EDIL3: variants seen among roughly 807,000 people sequenced by gnomAD.
EDIL3 encodes the protein EGF like and discoidin domains 3.
EDIL3 carries 37 observed loss-of-function variants against 67.4 expected under a neutral mutation model. The ratio of observed to expected loss-of-function variants is 0.55; its 90% CI spans 0.42 to 0.72. The LOEUF (loss-of-function observed/expected upper bound fraction) is 0.72, where lower values mean the gene tolerates loss of function less well. Among genes scored for constraint, EDIL3 ranks in the 30% least tolerant of loss-of-function variants. The probability of loss-of-function intolerance (pLI) is 0.00; values close to 1 mark genes in which losing one functional copy is unlikely to be tolerated. For synonymous variants in EDIL3, 195 were observed against 196.3 expected (o/e 0.99, Z 0.05); for missense variants, 527 against 586.3 (o/e 0.90, Z 1.04).
chr5:84,234,815 A>T (rs1744648183), intron 2 of EDIL3, among the ~76,000 whole-genome samples: 2 of 152,172 alleles, frequency 1.3e-5, no homozygotes, highest in South Asian at 4.1e-4. Context: ...GCATATAATT[A>T]TCTAGTCATT....
intron 4 of EDIL3, among the ~76,000 whole-genome samples, chr5:84,141,716 T>G (rs554230435): frequency 6.7e-6 from 1 of 149,018 alleles, no homozygotes; most frequent in African/African-American, 2.4e-5. Flanking sequence ...CTGTTATAAC[T>G]AATTACACAG....
chr5:84,222,006 T>C (rs1744352969), intron 3 of EDIL3, among the ~76,000 whole-genome samples: 1 of 151,954 alleles, frequency 6.6e-6, no homozygotes, highest in Admixed American at 6.6e-5. Flanking sequence ...ATTTTCAAAA[T>C]GCGTGAGTTA....
intron 3 of EDIL3, among the ~76,000 whole-genome samples, chr5:84,208,982 C>T (rs1461605273): frequency 6.6e-6 from 1 of 152,126 alleles, no homozygotes; most frequent in Non-Finnish European, 1.5e-5. Context: ...ACGCAAATAT[C>T]CAACAATGAT....
At chr5:84,353,926 CAG>C (rs1430694746) in intron 1 of EDIL3, among the ~76,000 whole-genome samples, 9 of 152,176 alleles carry the variant, frequency 5.9e-5, no homozygotes, top group African/African-American at 1.9e-4. Context: ...TTGTGTTAAA[CAG>C]AGAGTGCTGT....
intron 2 of EDIL3, among the ~76,000 whole-genome samples, chr5:84,237,756 T>G (rs1744708199): frequency 1.3e-5 from 2 of 152,194 alleles, no homozygotes; most frequent in South Asian, 4.1e-4. Flanking sequence ...TCCTTTTTGA[T>G]GCCATCAGCC....
chr5:84,086,201 G>A (rs531751242), intron 6 of EDIL3, among the ~76,000 whole-genome samples: 10 of 152,226 alleles, frequency 6.6e-5, no homozygotes, highest in African/African-American at 2.2e-4. Context: ...TCCAGGCACC[G>A]CTAGGGTACA....
chr5:84,061,186 C>T (rs1401568223), intron 8 of EDIL3, among the ~76,000 whole-genome samples: 2 of 152,104 alleles, frequency 1.3e-5, no homozygotes, highest in African/African-American at 2.4e-5. Context: ...CCTTTTAATA[C>T]ATTATTTTAT....
At chr5:84,357,682 AC>A (rs1747516980) in intron 1 of EDIL3, among the ~76,000 whole-genome samples, 1 of 152,120 alleles carries the variant, frequency 6.6e-6, no homozygotes, top group Non-Finnish European at 1.5e-5. Context: ...TGAGGTCAGG[AC>A]TTCGAAACCA....
At chr5:83,982,793 T>C (rs1211849581) in intron 9 of EDIL3, among the ~76,000 whole-genome samples, 1 of 152,136 alleles carries the variant, frequency 6.6e-6, no homozygotes, top group African/African-American at 2.4e-5. Flanking sequence ...AAAGAAGCTA[T>C]GTGACTTTTT....
At chr5:84,010,059 T>C (rs1745491109) in intron 9 of EDIL3, among the ~76,000 whole-genome samples, 2 of 152,200 alleles carry the variant, frequency 1.3e-5, no homozygotes, top group Admixed American at 6.5e-5. Flanking sequence ...GCTAGCGGAC[T>C]CAAAGCACAG....
intron 3 of EDIL3, among the ~76,000 whole-genome samples, chr5:84,192,699 G>C (rs2112369396): frequency 6.6e-6 from 1 of 152,080 alleles, no homozygotes; most frequent in Middle Eastern, 3.4e-3. Context: ...CTAAGTACCA[G>C]GGTTACAAAG....
chr5:84,297,674 A>G (rs1746078112), intron 1 of EDIL3, among the ~76,000 whole-genome samples: 1 of 152,166 alleles, frequency 6.6e-6, no homozygotes, highest in Non-Finnish European at 1.5e-5. Flanking sequence ...CATGCTATTT[A>G]TTGGTAATCC....
At chr5:84,116,598 G>A (rs1747669239) in intron 5 of EDIL3, among the ~76,000 whole-genome samples, 1 of 152,108 alleles carries the variant, frequency 6.6e-6, no homozygotes, top group Admixed American at 6.5e-5. Context: ...AGTTGAAATA[G>A]AGGATGAATT....
chr5:84,067,789 A>G (rs1048540390), intron 6 of EDIL3, among the ~76,000 whole-genome samples: 14 of 152,084 alleles, frequency 9.2e-5, no homozygotes, highest in Non-Finnish European at 1.8e-4. Flanking sequence ...TCCCTCAACT[A>G]TTTCCCACAA....
At chr5:84,044,106 G>T (rs1231176734) in intron 9 of EDIL3, among the ~76,000 whole-genome samples, 1 of 151,858 alleles carries the variant, frequency 6.6e-6, no homozygotes, top group Non-Finnish European at 1.5e-5. Context: ...CCCTCCCTGT[G>T]TCCATGTGTT....
At chr5:84,217,721 AACACACACACACACACACAC>A (rs61264723) in intron 3 of EDIL3, among the ~76,000 whole-genome samples, 3 of 134,932 alleles carry the variant, frequency 2.2e-5, no homozygotes, top group Non-Finnish European at 3.2e-5. Flanking sequence ...TATACACACA[AACACACACACACACACACAC>A]ACACACACAC....
intron 1 of EDIL3, among the ~76,000 whole-genome samples, chr5:84,371,870 A>T (rs903637539): frequency 6.6e-6 from 1 of 152,022 alleles, no homozygotes; most frequent in Non-Finnish European, 1.5e-5. Flanking sequence ...TAAACAATAA[A>T]CCATCACTTC....
intron 3 of EDIL3, among the ~76,000 whole-genome samples, chr5:84,192,058 CT>C (rs764707322): frequency 1.3e-5 from 2 of 151,974 alleles, no homozygotes; most frequent in Non-Finnish European, 2.9e-5. Flanking sequence ...AGTCAAAATA[CT>C]TTTTCTGCTG....
intron 3 of EDIL3, among the ~76,000 whole-genome samples, chr5:84,207,050 A>C (rs914332012): frequency 2.0e-5 from 3 of 152,150 alleles, no homozygotes; most frequent in African/African-American, 7.2e-5. Context: ...GGCCAGGGCA[A>C]TTAGGCAGGA....
Sources: allele counts gnomAD v4.1 joint callset (sites outside exome capture counted in the v4.1 genomes callset), GRCh38; gene constraint gnomAD v4.1.1; transcripts MANE v1.5; gene names NCBI Gene and HGNC (gene_info 2026-07-23, HGNC 2026-07-21).